SV2C: variants seen among roughly 807,000 people sequenced by gnomAD.
The protein encoded by SV2C is synaptic vesicle glycoprotein 2C, also known as solute carrier family 22 member B3.
SV2C carries 49 observed loss-of-function variants against 79.7 expected under a neutral mutation model. That is an observed-to-expected ratio of 0.61 (90% CI 0.49 to 0.78). The LOEUF is 0.78. Ranked by LOEUF, SV2C falls within the 30% of genes least tolerant of loss-of-function variation. The pLI is 0.00. For synonymous variants in SV2C, 334 were observed against 333.2 expected, an observed-to-expected ratio of 1.00 and a Z score of -0.03; for missense variants, 833 against 912.9, an observed-to-expected ratio of 0.91 and a Z score of 1.13.
chr5:76,224,338 G>A (rs1465997685), intron 4 of SV2C, among the ~76,000 whole-genome samples: 1 of 152,026 alleles, frequency 6.6e-6, no homozygotes, highest in Non-Finnish European at 1.5e-5. Flanking sequence ...TTTATATTCT[G>A]CACTAGACAA....
intron 12 of SV2C, among the ~76,000 whole-genome samples, chr5:76,319,632 G>A (rs989195465): frequency 5.3e-5 from 8 of 152,080 alleles, no homozygotes; most frequent in African/African-American, 1.7e-4. Context: ...GGATTTGATC[G>A]TCTTTTTCAA....
the SV2C span, among the ~76,000 whole-genome samples, chr5:76,053,661 G>T: frequency 3.3e-5 from 5 of 152,046 alleles, no homozygotes; most frequent in Non-Finnish European, 7.4e-5. Flanking sequence ...TTTTTGTTTG[G>T]ATTGGTTTGG....
At position 76,245,936 on chromosome 5, in the gene SV2C, A is replaced by ATGTGTATG. The variant is rs375007331; in HGVS notation, c.913+36054_913+36055insATGTGTGT. ...AGTGTGTGTGTGTGTGTGTGTGTGT[A>ATGTGTATG]TGTGTGTGTGTGTGTGTGTGTGTGT... is the stretch of plus-strand genomic sequence containing the variant. On this transcript the variant is annotated intron_variant, in intron 4 of 12. Transcript: ENST00000502798. 2.2e-3 allele frequency among the ~76,000 whole-genome samples: 281 copies of ATGTGTATG among 129,144 alleles called. 2 individuals are homozygous for ATGTGTATG. Among genetic ancestry groups the ATGTGTATG allele is most frequent in the African/African-American group, 7.1e-3 (265 of 37,570 alleles). 84.7% of individuals were successfully genotyped at this position (129,144 alleles called of 152,430 possible).
At chr5:76,112,606 G>A (rs2112142545) in intron 1 of SV2C, among the ~76,000 whole-genome samples, 1 of 152,304 alleles carries the variant, frequency 6.6e-6, no homozygotes, top group South Asian at 2.1e-4. Flanking sequence ...AGGGACAAAG[G>A]TAGAATGAGG....
upstream of SV2C, among the ~76,000 whole-genome samples, chr5:76,082,884 C>T (rs1323590004): frequency 6.6e-6 from 1 of 152,170 alleles, no homozygotes; most frequent in East Asian, 1.9e-4. Context: ...TCGAAGTGAA[C>T]AAGTCAGTCC....
chr5:76,164,353 C>T (rs1442444619), intron 2 of SV2C, among the ~76,000 whole-genome samples: 1 of 152,202 alleles, frequency 6.6e-6, no homozygotes, highest in African/African-American at 2.4e-5. Flanking sequence ...TTCCATGCAA[C>T]AGCCACATAC....
the SV2C span, among the ~76,000 whole-genome samples, chr5:75,958,904 A>G: frequency 2.4e-4 from 36 of 152,010 alleles, no homozygotes; most frequent in African/African-American, 8.2e-4. Flanking sequence ...TTGGGATAAG[A>G]GTTCTAGAAC....
intron 1 of SV2C, among the ~76,000 whole-genome samples, chr5:76,131,347 A>G (rs1748882720): frequency 6.6e-6 from 1 of 152,126 alleles, no homozygotes; most frequent in Admixed American, 6.6e-5. Context: ...TAAAGATGCA[A>G]GATGCTCTGT....
In SV2C at chr5:76,243,012, T is replaced by TAAAAAAAAAAAAA. The variant is rs559052290; in HGVS notation, c.913+33141_913+33153dup. ...CTGTGCAACAGATCGAGACCCCATC[T>TAAAAAAAAAAAAA]AAAAAAAAAAAAAAAAAAAAAAAAA... On this transcript the variant is annotated intron_variant, in intron 4 of 12. Coordinates refer to ENST00000502798, the MANE Select transcript of SV2C (RefSeq NM_014979.4). 3.8e-4 allele frequency among the ~76,000 whole-genome samples: 19 copies of TAAAAAAAAAAAAA among 49,920 alleles called. 1 individual carries two copies. Among genetic ancestry groups the TAAAAAAAAAAAAA allele is most frequent in the African/African-American group, 6.8e-4 (9 of 13,256 alleles). 32.7% of individuals were successfully genotyped at this position (49,920 alleles called of 152,430 possible).
chr5:76,301,044 C>T, intron 11 of SV2C, 112 bp downstream of exon 11: 1 of 1,198,556 alleles, frequency 8.3e-7, no homozygotes, highest in South Asian at 1.4e-5. Flanking sequence ...AGGAGAAATC[C>T]TTTAGACCTT....
chr5:76,066,100 A>G, the SV2C span, among the ~76,000 whole-genome samples: 2 of 152,144 alleles, frequency 1.3e-5, no homozygotes, highest in African/African-American at 4.8e-5. Flanking sequence ...ATTACTGGGT[A>G]TATACCCAAA....
At chr5:76,030,266 G>GTTT in the SV2C span, among the ~76,000 whole-genome samples, 57 of 31,974 alleles carry the variant, frequency 1.8e-3, 4 homozygotes, top group East Asian at 2.8e-3. Flanking sequence ...TCAGAGGCTT[G>GTTT]TTTTTTTTTT....
chr5:75,967,575 T>C, the SV2C span, among the ~76,000 whole-genome samples: 1 of 152,118 alleles, frequency 6.6e-6, no homozygotes, highest in South Asian at 2.1e-4. Flanking sequence ...CGCCCACTGC[T>C]AGCACAGCAG....
At chr5:75,981,900 G>A in the SV2C span, among the ~76,000 whole-genome samples, 1 of 152,086 alleles carries the variant, frequency 6.6e-6, no homozygotes, top group Non-Finnish European at 1.5e-5. Context: ...CTTCTGGACA[G>A]CAAAAGAAAC....
chr5:76,177,357 C>G (rs1014847251), intron 2 of SV2C, among the ~76,000 whole-genome samples: 1 of 151,462 alleles, frequency 6.6e-6, no homozygotes, highest in Non-Finnish European at 1.5e-5. Context: ...CTAGTGATAC[C>G]TAGAATCGCA....
the SV2C span, among the ~76,000 whole-genome samples, chr5:75,914,476 T>C: frequency 6.7e-6 from 1 of 149,592 alleles, no homozygotes; most frequent in Non-Finnish European, 1.5e-5. Flanking sequence ...AAGTAATAGG[T>C]TGTGTCCAGA....
intron 1 of SV2C, among the ~76,000 whole-genome samples, chr5:76,113,875 G>T (rs1050624163): frequency 6.6e-6 from 1 of 151,946 alleles, no homozygotes; most frequent in Admixed American, 6.6e-5. Context: ...GATCTCTTAC[G>T]CTACTCTTTC....
At chr5:76,176,247 C>A (rs761279990) in intron 2 of SV2C, among the ~76,000 whole-genome samples, 1 of 152,008 alleles carries the variant, frequency 6.6e-6, no homozygotes, top group Non-Finnish European at 1.5e-5. Flanking sequence ...GTTCTCAGTT[C>A]GGGGGAGAAT....
At chr5:76,325,332 C>A in intron 12 of SV2C, 32 bp from the exon 13 acceptor site, 1 of 1,606,710 alleles carries the variant, frequency 6.2e-7, no homozygotes, top group Non-Finnish European at 8.5e-7. Context: ...GAGGCATTTT[C>A]TCAACCTTGT....
Sources: allele counts gnomAD v4.1 joint callset (sites outside exome capture counted in the v4.1 genomes callset), GRCh38; gene constraint gnomAD v4.1.1; transcripts MANE v1.5; gene names NCBI Gene and HGNC (gene_info 2026-07-23, HGNC 2026-07-21).